Variants in DNAH9 observed in about 807,000 individuals in gnomAD.
The protein encoded by DNAH9 is DNAH9 variant protein.
In DNAH9, 345 loss-of-function variants were observed where a neutral mutation model predicts 471.6. The ratio of observed to expected loss-of-function variants is 0.73; its 90% CI spans 0.67 to 0.80. The LOEUF is 0.80. Among genes scored for constraint, DNAH9 ranks in the 30% least tolerant of loss-of-function variants. The pLI, the probability that DNAH9 is intolerant of heterozygous loss-of-function variation, is 0.00. For missense variants in DNAH9, 5,407 were observed against 5,609.2 expected, an observed-to-expected ratio of 0.96 and a Z score of 1.15; for synonymous variants, 2,093 against 2,123.6, an observed-to-expected ratio of 0.99 and a Z score of 0.40.
At chr17:11,818,635 C>A (rs1435692175) in intron 45 of DNAH9, among the ~76,000 whole-genome samples, 1 of 152,014 alleles carries the variant, frequency 6.6e-6, no homozygotes, top group Admixed American at 6.6e-5. Context: ...TGATTCCAGT[C>A]CCAGATAACT....
intron 49 of DNAH9, among the ~76,000 whole-genome samples, chr17:11,842,198 T>C (rs565957969): frequency 1.3e-5 from 2 of 152,236 alleles, no homozygotes; most frequent in South Asian, 4.1e-4. Flanking sequence ...CACAAGAAAA[T>C]AAAACCTCAG....
chr17:11,935,921 A>G (rs1412748289), intron 65 of DNAH9, among the ~76,000 whole-genome samples: 1 of 152,190 alleles, frequency 6.6e-6, no homozygotes. Context: ...GTTTTTAACT[A>G]CTTCACCAAA....
chr17:11,945,170 C>A (rs1048129789), intron 67 of DNAH9, among the ~76,000 whole-genome samples: 1 of 152,166 alleles, frequency 6.6e-6, no homozygotes. Context: ...GCTTTGCTGA[C>A]CAGCTTACCT....
intron 31 of DNAH9, 24 bp downstream of exon 31, chr17:11,745,108 G>A: frequency 6.3e-7 from 1 of 1,589,188 alleles, no homozygotes; most frequent in Non-Finnish European, 8.6e-7. Context: ...TTCCTCCCAG[G>A]ATTTCTCTAT....
At chr17:11,739,477 A>G (rs539716307) in intron 29 of DNAH9, among the ~76,000 whole-genome samples, 12 of 152,304 alleles carry the variant, frequency 7.9e-5, no homozygotes, top group African/African-American at 2.9e-4. Context: ...TAATGCTGTA[A>G]TGTACATCTT....
chr17:11,648,388 T>C (rs534660502), intron 12 of DNAH9, among the ~76,000 whole-genome samples: 12 of 152,348 alleles, frequency 7.9e-5, no homozygotes, highest in African/African-American at 2.4e-4. Flanking sequence ...TTCATTGGCA[T>C]TCACTGTGAG....
intron 6 of DNAH9, among the ~76,000 whole-genome samples, chr17:11,628,263 A>G (rs1030275334): frequency 3.9e-5 from 6 of 152,188 alleles, no homozygotes; most frequent in Non-Finnish European, 8.8e-5. Context: ...GGAAGCTCCA[A>G]TCCTATCGGA....
rs113287077 is a variant in DNAH9 at position 11,693,535 on chromosome 17, AG to A, written c.4615-331del. Among the ~76,000 whole-genome samples the A allele has an allele frequency of 3.3e-5, 5 of 152,212 alleles. 1 individual carries two copies. The highest frequency in any genetic ancestry group is 1.2e-4 in the African/African-American group (5 of 41,536). ...CAGCCTCCGAAAGTGCTGGGATTACAGGTGTGAGCCACGGCGCCCGGTCTAA... is the reference window on the plus strand; with the variant it reads ...CAGCCTCCGAAAGTGCTGGGATTACAGTGTGAGCCACGGCGCCCGGTCTAA... On this transcript the variant is annotated intron_variant, in intron 20 of 68. Transcript: ENST00000262442.
intron 68 of DNAH9, among the ~76,000 whole-genome samples, chr17:11,963,340 A>G (rs1407748653): frequency 6.6e-6 from 1 of 152,052 alleles, no homozygotes; most frequent in Non-Finnish European, 1.5e-5. Context: ...ATGCTGAAGC[A>G]GGAGAATCGC....
At chr17:11,632,778 C>A in intron 8 of DNAH9, 75 bp downstream of exon 8, 1 of 705,274 alleles carries the variant, frequency 1.4e-6, no homozygotes, top group Non-Finnish European at 2.6e-6. Flanking sequence ...ATATGGATAC[C>A]TTTCCACCTG....
At chr17:11,886,680 C>A in intron 56 of DNAH9, 145 bp from the exon 57 acceptor site, 1 of 1,008,942 alleles carries the variant, frequency 9.9e-7, no homozygotes, top group Non-Finnish European at 1.4e-6. Flanking sequence ...ACCATAGTAG[C>A]TTTTCAACTT....
chr17:11,867,289 T>G lies in DNAH9; in HGVS notation c.9934-1845T>G, dbSNP rs150602831. On this transcript the variant is annotated intron_variant, in intron 50 of 68. Coordinates refer to ENST00000262442, the MANE Select transcript of DNAH9 (RefSeq NM_001372.4). Reference sequence around the variant, plus strand: ...CTGTTTACTGTTTACTCTTATTTTCTGGAAAGCATATCTGTCAGATGTTGA... The same window carrying G: ...CTGTTTACTGTTTACTCTTATTTTCGGGAAAGCATATCTGTCAGATGTTGA... 8.6e-3 allele frequency among the ~76,000 whole-genome samples: 1,316 copies of G among 152,336 alleles called. 19 individuals are homozygous for G. The highest frequency in any genetic ancestry group is 0.03 in the African/African-American group (1,253 of 41,576).
At chr17:11,843,863 G>GTGTGTGTGTA (rs1253794533) in intron 49 of DNAH9, among the ~76,000 whole-genome samples, 8 of 46,466 alleles carry the variant, frequency 1.7e-4, no homozygotes, top group Admixed American at 3.8e-4. Flanking sequence ...GTGTGTGTGT[G>GTGTGTGTGTA]TATATATATA....
At chr17:11,642,240 T>G (rs2073288538) in intron 10 of DNAH9, among the ~76,000 whole-genome samples, 1 of 152,104 alleles carries the variant, frequency 6.6e-6, no homozygotes, top group Non-Finnish European at 1.5e-5. Flanking sequence ...TAAAAATGAA[T>G]TCAAATGTGT....
chr17:11,945,900 T>C (rs1380137162), intron 67 of DNAH9, among the ~76,000 whole-genome samples: 2 of 146,536 alleles, frequency 1.4e-5, no homozygotes, highest in Non-Finnish European at 3.0e-5. Flanking sequence ...CTACTAAAAA[T>C]ACAAAAAAAA....
intron 42 of DNAH9, among the ~76,000 whole-genome samples, chr17:11,795,764 G>A (rs922605937): frequency 6.6e-6 from 1 of 152,150 alleles, no homozygotes; most frequent in Non-Finnish European, 1.5e-5. Flanking sequence ...AATAACACTT[G>A]AACTTTCAAA....
rs932893933 is a variant in DNAH9, at chr17:11,734,847, C to T, written c.5815-4033C>T. Among the ~76,000 whole-genome samples the T allele has an allele frequency of 3.9e-5, 6 of 152,204 alleles. No individual in the cohort carries two copies. The South Asian group carries it at 6.2e-4, about 16-fold the overall frequency. On this transcript the variant is annotated intron_variant, in intron 28 of 68. Coordinates refer to ENST00000262442, the MANE Select transcript of DNAH9 (RefSeq NM_001372.4). ...TCTTTGAGTCTGTTCAACACCCTCC[C>T]GTCTGAGAGAGGGAGGTCAGTATGC... is the stretch of plus-strand genomic sequence containing the variant.
intron 14 of DNAH9, among the ~76,000 whole-genome samples, chr17:11,660,079 C>G (rs1034401359): frequency 6.6e-6 from 1 of 151,906 alleles, no homozygotes; most frequent in Non-Finnish European, 1.5e-5. Flanking sequence ...TGCTAATTTT[C>G]TCTATTCATC....
At chr17:11,769,774 T>C (rs1968126495) in intron 38 of DNAH9, among the ~76,000 whole-genome samples, 2 of 152,176 alleles carry the variant, frequency 1.3e-5, no homozygotes, top group South Asian at 4.1e-4. Context: ...CACCAAGTGG[T>C]GAGGCAGGCA....
Sources: allele counts gnomAD v4.1 joint callset (sites outside exome capture counted in the v4.1 genomes callset), GRCh38; gene constraint gnomAD v4.1.1; transcripts MANE v1.5; gene names NCBI Gene and HGNC (gene_info 2026-07-23, HGNC 2026-07-21).